Variants in ZFHX3 observed in about 807,000 individuals in gnomAD.
ZFHX3 encodes the protein zinc finger homeobox 3, also known as zinc finger homeobox protein 3.
Under a neutral mutation model 279.1 loss-of-function variants are expected in ZFHX3, and 42 were observed. The observed-to-expected ratio is 0.15, with a 90% CI of 0.12 to 0.19. The LOEUF is 0.19. Ranked by LOEUF, ZFHX3 falls within the 10% of genes least tolerant of loss-of-function variation. The probability of loss-of-function intolerance (pLI) is 1.00; values close to 1 mark genes in which losing one functional copy is unlikely to be tolerated. For synonymous variants in ZFHX3, 2,293 were observed against 1,957.8 expected (o/e 1.17, Z -4.52); for missense variants, 4,981 against 4,754.0 (o/e 1.05, Z -1.40).
intron 3 of ZFHX3, among the ~76,000 whole-genome samples, chr16:72,920,401 C>T (rs1056021968): frequency 6.6e-6 from 1 of 152,106 alleles, no homozygotes; most frequent in Non-Finnish European, 1.5e-5. Flanking sequence ...AACACACCAA[C>T]CAGGTGCAGT....
chr16:73,592,230 CAA>C (rs1854123752), intron 2 of ZFHX3, among the ~76,000 whole-genome samples: 1 of 151,994 alleles, frequency 6.6e-6, no homozygotes, highest in Non-Finnish European at 1.5e-5. Context: ...GAGACTGTCT[CAA>C]AACAAACAAA....
At chr16:73,346,479 C>G (rs1003790839) in intron 3 of ZFHX3, among the ~76,000 whole-genome samples, 2 of 152,178 alleles carry the variant, frequency 1.3e-5, no homozygotes, top group Non-Finnish European at 2.9e-5. Flanking sequence ...TTGTCATGCA[C>G]TTTATTTACT....
At position 73,630,949 on chromosome 16, in the gene ZFHX3, G is replaced by A. The variant is rs534696457; in HGVS notation, c.-1547+49231C>T. Among the ~76,000 whole-genome samples, 8 of 152,282 alleles carry A rather than the reference G, an allele frequency of 5.3e-5. No individual in the cohort carries two copies. In the East Asian group the frequency reaches 7.7e-4, roughly 15 times the overall value. ...TGTTTTCCTTGGTTTGTTTTAACTC[G>A]GTAATAAGAGCCTGGTTGCTGATGC... is the stretch of plus-strand genomic sequence containing the variant. On this transcript the variant is annotated intron_variant, in intron 2 of 17. Coordinates refer to the ZFHX3 transcript ENST00000641206.
At chr16:73,171,678 G>T (rs544074656) in intron 5 of ZFHX3, among the ~76,000 whole-genome samples, 70 of 152,238 alleles carry the variant, frequency 4.6e-4, no homozygotes, top group African/African-American at 1.7e-3. Context: ...CACCCTGAGG[G>T]GGAATGTTAA....
At chr16:73,787,167 ATCT>A (rs1327240366) in intron 1 of ZFHX3, among the ~76,000 whole-genome samples, 1 of 152,188 alleles carries the variant, frequency 6.6e-6, no homozygotes, top group Non-Finnish European at 1.5e-5. Flanking sequence ...TCTGAGTTAC[ATCT>A]TCTTAGGAGA....
intron 1 of ZFHX3, among the ~76,000 whole-genome samples, chr16:73,037,939 C>A (rs1471895916): frequency 2.6e-5 from 4 of 152,196 alleles, no homozygotes; most frequent in African/African-American, 9.6e-5. Flanking sequence ...TGGCCCCAGG[C>A]ATACGGTTAT....
At chr16:73,836,169 C>G (rs909569791) in intron 1 of ZFHX3, among the ~76,000 whole-genome samples, 8 of 152,158 alleles carry the variant, frequency 5.3e-5, no homozygotes, top group African/African-American at 1.7e-4. Flanking sequence ...TTCAGTGTCC[C>G]CAGGTAAACT....
exon 1 of ZFHX3, chr16:73,059,332 A>AACACAC (rs71391480): frequency 6.8e-6 from 1 of 146,160 alleles, no homozygotes; most frequent in African/African-American, 2.5e-5. Flanking sequence ...ATGTATTAAA[A>AACACAC]ACACACACAC....
chr16:72,851,058 G>A (rs944860875), intron 4 of ZFHX3, among the ~76,000 whole-genome samples: 1 of 152,096 alleles, frequency 6.6e-6, no homozygotes, highest in Non-Finnish European at 1.5e-5. Context: ...AGGATAAACA[G>A]CAGAAATATT....
Position 72,890,427 on chromosome 16 carries a change from C to T in ZFHX3, c.3217-465G>A, listed in dbSNP as rs141448689. ...TTCTTTCCTTTGTAAATTACCCAGT[C>T]CTAGGCAGTTCTTAGTAGCAGCACG... On this transcript the variant is annotated intron_variant, in intron 3 of 9. Coordinates refer to ENST00000268489, the MANE Select transcript of ZFHX3 (RefSeq NM_006885.4). 3.5e-4 allele frequency among the ~76,000 whole-genome samples: 54 copies of T among 152,240 alleles called. 1 individual carries two copies. The East Asian group carries it at 0.01, about 28-fold the overall frequency.
intron 3 of ZFHX3, among the ~76,000 whole-genome samples, chr16:73,431,778 T>C (rs2143515899): frequency 6.6e-6 from 1 of 152,258 alleles, no homozygotes; most frequent in South Asian, 2.1e-4. Context: ...ATGTATTAAG[T>C]ACATGGCCCC....
Position 73,802,177 on chromosome 16 carries a change from A to G in ZFHX3, c.-1608+89474T>C, listed in dbSNP as rs547150559. Among the ~76,000 whole-genome samples the G allele has an allele frequency of 2.0e-5, 3 of 152,132 alleles. No individual in the cohort carries two copies. In the South Asian group the frequency reaches 6.2e-4, roughly 32 times the overall value. On this transcript the variant is annotated intron_variant, in intron 1 of 17. Transcript: ENST00000641206. ...AAATGTGTGACTTTTTTTTTTAAAT[A>G]AGTTGATTCTTCATAAAACCCCACT...
At chr16:73,361,381 G>A (rs952871368) in intron 3 of ZFHX3, among the ~76,000 whole-genome samples, 11 of 152,250 alleles carry the variant, frequency 7.2e-5, no homozygotes, top group East Asian at 3.8e-4. Flanking sequence ...TGGCTTGAGC[G>A]ATGAGAGAGA....
chr16:73,314,230 G>C (rs1420009899), intron 4 of ZFHX3, among the ~76,000 whole-genome samples: 4 of 152,142 alleles, frequency 2.6e-5, no homozygotes, highest in African/African-American at 4.8e-5. Context: ...TTTTTTAGCA[G>C]GTTGTCTTTG....
At chr16:73,704,113 G>A (rs2142219579) in intron 1 of ZFHX3, among the ~76,000 whole-genome samples, 1 of 152,200 alleles carries the variant, frequency 6.6e-6, no homozygotes, top group African/African-American at 2.4e-5. Flanking sequence ...GCACGTTCAG[G>A]GTGGTATGGC....
chr16:72,817,565 T>C (rs1238645020), intron 5 of ZFHX3, among the ~76,000 whole-genome samples: 1 of 152,192 alleles, frequency 6.6e-6, no homozygotes, highest in Non-Finnish European at 1.5e-5. Context: ...CATCTTCTCA[T>C]CACTAAACAC....
At chr16:73,279,428 A>G (rs1181530509) in intron 4 of ZFHX3, among the ~76,000 whole-genome samples, 1 of 152,120 alleles carries the variant, frequency 6.6e-6, no homozygotes, top group East Asian at 1.9e-4. Flanking sequence ...GCTATAAAGA[A>G]AAAAAGAATG....
intron 8 of ZFHX3, among the ~76,000 whole-genome samples, chr16:73,084,355 T>G (rs1965984308): frequency 6.6e-6 from 1 of 152,010 alleles, no homozygotes; most frequent in Non-Finnish European, 1.5e-5. Flanking sequence ...ACCACCAAAA[T>G]AACCTGTTAG....
At chr16:73,354,973 T>G (rs1033612254) in intron 3 of ZFHX3, among the ~76,000 whole-genome samples, 1 of 152,204 alleles carries the variant, frequency 6.6e-6, no homozygotes, top group Non-Finnish European at 1.5e-5. Flanking sequence ...ACCAGAAAGC[T>G]CTGCAGTGCT....
Sources: allele counts gnomAD v4.1 joint callset (sites outside exome capture counted in the v4.1 genomes callset), GRCh38; gene constraint gnomAD v4.1.1; transcripts MANE v1.5; gene names NCBI Gene and HGNC (gene_info 2026-07-23, HGNC 2026-07-21).